BTBD7: variants seen among roughly 807,000 people sequenced by gnomAD.
BTBD7 encodes the protein BTB/POZ domain-containing protein 7.
Under a neutral mutation model 99.9 loss-of-function variants are expected in BTBD7, and 38 were observed. That is an observed-to-expected ratio of 0.38 (90% CI 0.29 to 0.50). The LOEUF (loss-of-function observed/expected upper bound fraction) is 0.50, where lower values mean the gene tolerates loss of function less well. BTBD7 is among the 20% of genes least tolerant of loss of function. The probability of loss-of-function intolerance (pLI) is 0.93; values close to 1 mark genes in which losing one functional copy is unlikely to be tolerated. For missense variants in BTBD7, 1,170 were observed against 1,394.6 expected (o/e 0.84, Z 2.57); for synonymous variants, 520 against 511.4 (o/e 1.02, Z -0.23).
intron 1 of BTBD7, among the ~76,000 whole-genome samples, chr14:93,307,603 G>A (rs961424974): frequency 3.3e-5 from 5 of 152,134 alleles, no homozygotes; most frequent in African/African-American, 1.2e-4. Context: ...CCCTTTGCCT[G>A]TACCACTCTT....
chr14:93,327,641 G>T (rs1458444037), intron 1 of BTBD7, among the ~76,000 whole-genome samples: 16 of 152,018 alleles, frequency 1.1e-4, no homozygotes. Flanking sequence ...ACATAATCAA[G>T]GTCTTATATA....
At chr14:93,257,056 C>T in intron 6 of BTBD7, 139 bp downstream of exon 6, 1 of 820,754 alleles carries the variant, frequency 1.2e-6, no homozygotes, top group East Asian at 2.6e-5. Context: ...ACATCGTACA[C>T]AATAGACATC....
chr14:93,307,461 T>C (rs1452077363), intron 1 of BTBD7, among the ~76,000 whole-genome samples: 1 of 152,208 alleles, frequency 6.6e-6, no homozygotes, highest in Non-Finnish European at 1.5e-5. Flanking sequence ...CAGACGTGAC[T>C]TTACTTTCTA....
chr14:93,279,651 G>A (rs1014742097), intron 3 of BTBD7, among the ~76,000 whole-genome samples: 5 of 152,112 alleles, frequency 3.3e-5, no homozygotes, highest in Admixed American at 6.6e-5. Context: ...GGGTTCAAGC[G>A]ATTCTCCTGC....
At chr14:93,332,765 C>CCA (rs1184704470) in intron 1 of BTBD7, 55 bp downstream of exon 1, 1 of 1,451,472 alleles carries the variant, frequency 6.9e-7, no homozygotes, top group Admixed American at 2.6e-5. Context: ...ACGCCCCGCG[C>CCA]CACACCGGAC....
intron 5 of BTBD7, among the ~76,000 whole-genome samples, chr14:93,258,315 T>C (rs922437983): frequency 1.3e-5 from 2 of 151,936 alleles, no homozygotes; most frequent in African/African-American, 4.8e-5. Flanking sequence ...TAGAAAAGAG[T>C]CATTTTTTTC....
chr14:93,274,689 T>C (rs1449075459), intron 3 of BTBD7, among the ~76,000 whole-genome samples: 1 of 152,194 alleles, frequency 6.6e-6, no homozygotes, highest in Non-Finnish European at 1.5e-5. Flanking sequence ...TATTCTCTGG[T>C]AGAACTTCCC....
chr14:93,300,786 A>AT lies in BTBD7; in HGVS notation c.-106-4630dup, dbSNP rs71129626. 1.0e-3 allele frequency among the ~76,000 whole-genome samples: 104 copies of AT among 101,764 alleles called. 8 individuals carry two copies. The highest frequency in any genetic ancestry group is 2.7e-3 in the African/African-American group (67 of 25,248). The allele number at this position is 101,764 out of a possible 152,430, so 66.8% of individuals were successfully genotyped here. A position where few individuals can be genotyped will look rare whatever the true frequency, so the allele number is the denominator to read the frequency against. ...TGTGTGTGTGTGTATATATATATAT[A>AT]TTTTTTTTTTGTAGAGATAGGGTTT... On this transcript the variant is annotated intron_variant, in intron 1 of 10. Coordinates refer to ENST00000334746, the MANE Select transcript of BTBD7 (RefSeq NM_001002860.4).
chr14:93,279,418 T>TC (rs746832527), intron 3 of BTBD7, among the ~76,000 whole-genome samples: 29 of 152,164 alleles, frequency 1.9e-4, no homozygotes, highest in Non-Finnish European at 4.1e-4. Context: ...TTCTGATATG[T>TC]CCTCCTGCCC....
At chr14:93,309,499 C>A (rs2139801233) in intron 1 of BTBD7, among the ~76,000 whole-genome samples, 1 of 151,150 alleles carries the variant, frequency 6.6e-6, no homozygotes, top group African/African-American at 2.4e-5. Context: ...TCCCCCCAAC[C>A]TCCACACCCC....
intron 3 of BTBD7, among the ~76,000 whole-genome samples, chr14:93,280,986 C>T (rs906105095): frequency 2.0e-5 from 3 of 151,870 alleles, no homozygotes; most frequent in African/African-American, 4.8e-5. Context: ...GCACCCACCA[C>T]CACGCCCAGC....
At position 93,241,563 on chromosome 14, in the gene BTBD7, G is replaced by C. The variant is rs17749087; in HGVS notation, c.*710C>G. The C allele has an allele frequency of 0.083, 12,617 of 152,412 alleles. 557 individuals are homozygous for C. The highest frequency in any genetic ancestry group is 0.12 in the Middle Eastern group (36 of 294). The allele number at this position is 152,412 out of a possible 1,614,324, so 9.4% of individuals were successfully genotyped here. ...CTGACTGCATCCACACTGTGGAAAT[G>C]TAACAGCTTTAGCCTGGGCACAGAA... On this transcript the variant is annotated 3_prime_UTR_variant, in exon 11 of 11. Coordinates refer to ENST00000334746, the MANE Select transcript of BTBD7 (RefSeq NM_001002860.4).
intron 3 of BTBD7, among the ~76,000 whole-genome samples, chr14:93,292,726 A>G (rs931497907): frequency 2.0e-5 from 3 of 152,128 alleles, no homozygotes; most frequent in South Asian, 2.1e-4. Flanking sequence ...GTATGATCAC[A>G]GCTCACTGCA....
In BTBD7 at chr14:93,243,062, C is replaced by T. The variant is rs371158109; in HGVS notation, c.2610G>A (p.Leu870=). ...ACACACCCACCGCGATGTCTGGCAT[C>T]AGATCATTCAGCACAGGTTGTGTTC... is the stretch of plus-strand genomic sequence containing the variant. The part of the protein sequence containing the change: ...QVRTQPVLND[L]MPDIAVGVST... Residue 870 remains leucine (L), a synonymous_variant, in exon 11 of 11, where the codon CTG becomes CTA. Transcript: ENST00000334746. 4 of 1,613,824 alleles carry T rather than the reference C, an allele frequency of 2.5e-6. No individual in the cohort carries two copies. Among genetic ancestry groups the T allele is most frequent in the Non-Finnish European group, 3.4e-6 (4 of 1,179,986 alleles).
At chr14:93,299,799 G>A (rs1273099008) in intron 1 of BTBD7, among the ~76,000 whole-genome samples, 2 of 152,080 alleles carry the variant, frequency 1.3e-5, no homozygotes, top group East Asian at 3.8e-4. Context: ...CCCTAGGCCA[G>A]CATTTTCCAA....
chr14:93,328,079 G>T (rs1280904713), intron 1 of BTBD7, among the ~76,000 whole-genome samples: 2 of 152,160 alleles, frequency 1.3e-5, no homozygotes, highest in Non-Finnish European at 2.9e-5. Flanking sequence ...GGAGACAAAA[G>T]ACTTTTACAC....
At chr14:93,313,555 T>C (rs1362894083) in intron 1 of BTBD7, among the ~76,000 whole-genome samples, 5 of 151,978 alleles carry the variant, frequency 3.3e-5, no homozygotes, top group African/African-American at 1.2e-4. Context: ...TATGCAACAA[T>C]CGAATAATTT....
chr14:93,288,469 A>G, intron 3 of BTBD7: 1 of 716,764 alleles, frequency 1.4e-6, no homozygotes, highest in South Asian at 1.4e-5. Context: ...TGTCTCACTG[A>G]TTCCATAAAA....
intron 1 of BTBD7, among the ~76,000 whole-genome samples, chr14:93,324,840 C>T (rs1401119848): frequency 1.3e-5 from 2 of 152,170 alleles, no homozygotes; most frequent in Non-Finnish European, 2.9e-5. Context: ...TCCAAGTCTG[C>T]TGCATGCATG....
Sources: allele counts gnomAD v4.1 joint callset (sites outside exome capture counted in the v4.1 genomes callset), GRCh38; gene constraint gnomAD v4.1.1; transcripts MANE v1.5; gene names NCBI Gene and HGNC (gene_info 2026-07-23, HGNC 2026-07-21).